The following PTK2 variants were observed in gnomAD, a reference collection of about 807,000 sequenced individuals.
PTK2 encodes focal adhesion kinase 1.
Under a neutral mutation model 150.1 loss-of-function variants are expected in PTK2, and 45 were observed. The ratio of observed to expected loss-of-function variants is 0.30; its 90% CI spans 0.24 to 0.38. The LOEUF (loss-of-function observed/expected upper bound fraction) is 0.38. Ranked by LOEUF, PTK2 falls within the 10% of genes least tolerant of loss-of-function variation. The pLI is 1.00. For missense variants in PTK2, 919 were observed against 1,307.3 expected, an observed-to-expected ratio of 0.70 and a Z score of 4.58; for synonymous variants, 432 against 449.2, an observed-to-expected ratio of 0.96 and a Z score of 0.48.
At chr8:140,926,795 T>C (rs968073232) in intron 1 of PTK2, among the ~76,000 whole-genome samples, 10 of 152,268 alleles carry the variant, frequency 6.6e-5, no homozygotes, top group Non-Finnish European at 8.8e-5. Context: ...GATAAGACAA[T>C]AAAATGTGTA....
intron 1 of PTK2, among the ~76,000 whole-genome samples, chr8:140,935,033 T>C (rs1472590520): frequency 6.6e-6 from 1 of 152,204 alleles, no homozygotes; most frequent in Non-Finnish European, 1.5e-5. Context: ...CTTAAGTAAG[T>C]TGTCAATCAG....
intron 30 of PTK2, 92 bp downstream of exon 34, chr8:140,668,177 G>T: frequency 6.9e-7 from 1 of 1,457,310 alleles, no homozygotes; most frequent in South Asian, 1.2e-5. Flanking sequence ...ACTTTGGTGG[G>T]GCGGGGGGAC....
chr8:140,920,758 T>C (rs1429479904), intron 2 of PTK2: 1 of 1,334,850 alleles, frequency 7.5e-7, no homozygotes, highest in African/African-American at 1.5e-5. Context: ...ATCTACCTTT[T>C]CGGTGCAAAA....
intron 30 of PTK2, among the ~76,000 whole-genome samples, chr8:140,666,253 G>C (rs2091495621): frequency 1.3e-5 from 2 of 152,114 alleles, no homozygotes; most frequent in Non-Finnish European, 2.9e-5. Flanking sequence ...CAGCAGAATT[G>C]CTTGAACCTG....
At chr8:140,952,804 T>C (rs907742600) in intron 1 of PTK2, among the ~76,000 whole-genome samples, 3 of 152,130 alleles carry the variant, frequency 2.0e-5, no homozygotes, top group African/African-American at 4.8e-5. Context: ...CAAAGTAGGA[T>C]TACCCTCAAT....
At chr8:140,900,542 C>T (rs1485569051) in intron 2 of PTK2, among the ~76,000 whole-genome samples, 1 of 151,706 alleles carries the variant, frequency 6.6e-6, no homozygotes, top group South Asian at 2.1e-4. Flanking sequence ...ACCAACATGG[C>T]GAAACCCCAT....
intron 22 of PTK2, among the ~76,000 whole-genome samples, chr8:140,730,544 G>A (rs2154363716): frequency 6.6e-6 from 1 of 152,254 alleles, no homozygotes; most frequent in South Asian, 2.1e-4. Flanking sequence ...AGATTTCTGG[G>A]GTGCTGGTAG....
intron 22 of PTK2, chr8:140,717,912 T>A: frequency 2.2e-6 from 1 of 463,854 alleles, no homozygotes; most frequent in Non-Finnish European, 3.9e-6. Flanking sequence ...AATGGGCAAG[T>A]CCATTTAAAG....
chr8:140,951,910 T>A (rs72685789), intron 1 of PTK2, among the ~76,000 whole-genome samples: 822 of 33,810 alleles, frequency 0.024, 5 homozygotes, highest in African/African-American at 0.062. Flanking sequence ...AAAAAAAAAA[T>A]TTTTTTTTTT....
Position 140,902,936 on chromosome 8 carries a change from T to TTTTG in PTK2, c.-32-12168_-32-12167insCAAA, listed in dbSNP as rs1568515713. On this transcript the variant is annotated intron_variant, in intron 2 of 31. Transcript: ENST00000522684. Reference sequence around the variant, plus strand: ...TCTGATGAGAGTTGTTTTTTTTTTTTTTTTTTTTTTTTTTTTTTTTTTTGC... The same window carrying TTTTG: ...TCTGATGAGAGTTGTTTTTTTTTTTTTTTGTTTTTTTTTTTTTTTTTTTTTTTGC... 4.4e-5 allele frequency among the ~76,000 whole-genome samples: 6 copies of TTTTG among 137,564 alleles called. No individual in the cohort carries two copies. In the South Asian group the frequency reaches 9.7e-4, roughly 22 times the overall value. The allele number at this position is 137,564 out of a possible 152,430, so 90.2% of individuals were successfully genotyped here.
chr8:140,803,788 T>A (rs1335130251), intron 10 of PTK2, 138 bp from the exon 11 acceptor site: 3 of 742,850 alleles, frequency 4.0e-6, no homozygotes, highest in Non-Finnish European at 6.7e-6. Context: ...AAACAGATTC[T>A]CCATGCTGCC....
At chr8:140,686,748 TG>T in intron 26 of PTK2, 54 bp from the exon 30 acceptor site, 1 of 1,454,796 alleles carries the variant, frequency 6.9e-7, no homozygotes, top group Non-Finnish European at 9.6e-7. Context: ...TGAAAATTTT[TG>T]ACAGATTCTG....
At chr8:140,664,923 G>C (rs942291704) in exon 31 of PTK2, 2 of 1,613,538 alleles carry the variant, frequency 1.2e-6, no homozygotes, top group African/African-American at 2.7e-5. Flanking sequence ...CTACCTCTCG[G>C]TGGGTGCTGG....
chr8:140,706,388 CT>C (rs1168542669), intron 23 of PTK2, among the ~76,000 whole-genome samples, 183 bp from the exon 27 acceptor site: 1 of 152,200 alleles, frequency 6.6e-6, no homozygotes, highest in African/African-American at 2.4e-5. Flanking sequence ...AACTGGATAG[CT>C]ACATGTGAAA....
intron 1 of PTK2, among the ~76,000 whole-genome samples, chr8:140,938,625 G>A (rs548212721): frequency 6.6e-6 from 1 of 152,178 alleles, no homozygotes; most frequent in Non-Finnish European, 1.5e-5. Flanking sequence ...CCACTGCTTT[G>A]GGGGCAACTC....
intron 22 of PTK2, among the ~76,000 whole-genome samples, chr8:140,731,892 A>AC (rs574957971): frequency 1.3e-5 from 2 of 151,902 alleles, no homozygotes; most frequent in East Asian, 3.9e-4. Flanking sequence ...AACAGAGGAG[A>AC]CCCCGCCTCA....
chr8:140,701,342 T>C (rs2100030330), intron 25 of PTK2, among the ~76,000 whole-genome samples: 1 of 152,210 alleles, frequency 6.6e-6, no homozygotes, highest in South Asian at 2.1e-4. Flanking sequence ...AATAGAAGGC[T>C]GAAATACAAT....
chr8:140,805,369 G>T (rs943334153), intron 10 of PTK2, among the ~76,000 whole-genome samples: 1 of 151,940 alleles, frequency 6.6e-6, no homozygotes, highest in African/African-American at 2.4e-5. Flanking sequence ...GACCACCCTG[G>T]CCAACATGGT....
intron 26 of PTK2, among the ~76,000 whole-genome samples, chr8:140,697,809 T>C (rs1370270293): frequency 6.6e-6 from 1 of 151,600 alleles, no homozygotes; most frequent in African/African-American, 2.4e-5. Context: ...TAATATATTG[T>C]AGGAATTCTG....
Sources: allele counts gnomAD v4.1 joint callset (sites outside exome capture counted in the v4.1 genomes callset), GRCh38; gene constraint gnomAD v4.1.1; transcripts MANE v1.5; gene names NCBI Gene and HGNC (gene_info 2026-07-23, HGNC 2026-07-21).